Variants in CAAP1 observed in about 807,000 individuals in gnomAD.
The protein encoded by CAAP1 is caspase activity and apoptosis inhibitor 1.
CAAP1 carries 20 observed loss-of-function variants against 34.0 expected under a neutral mutation model. The observed-to-expected ratio is 0.59, with a 90% CI of 0.41 to 0.86. CAAP1 has a LOEUF of 0.86. Among genes scored for constraint, CAAP1 ranks in the 40% least tolerant of loss-of-function variants. The pLI, the probability that CAAP1 is intolerant of heterozygous loss-of-function variation, is 0.00. For missense variants in CAAP1, 538 were observed against 450.5 expected (o/e 1.19, Z -1.76); for synonymous variants, 213 against 166.7 (o/e 1.28, Z -2.14).
chr9:26,853,441 G>A (rs1309006258), intron 5 of CAAP1, among the ~76,000 whole-genome samples: 1 of 152,174 alleles, frequency 6.6e-6, no homozygotes, highest in African/African-American at 2.4e-5. Context: ...AGTGTTAGAA[G>A]TCTGAATTGT....
intron 5 of CAAP1, among the ~76,000 whole-genome samples, chr9:26,851,083 G>A (rs150278504): frequency 1.2e-3 from 189 of 152,240 alleles, no homozygotes; most frequent in African/African-American, 4.3e-3. Context: ...TGTCATGATG[G>A]TGCTGCAAAG....
chr9:26,857,282 A>G (rs1473312854), intron 5 of CAAP1, among the ~76,000 whole-genome samples: 1 of 152,244 alleles, frequency 6.6e-6, no homozygotes, highest in Non-Finnish European at 1.5e-5. Flanking sequence ...TAATGAGTAA[A>G]AACTATAACT....
At chr9:26,892,207 C>T (rs2131349456) in intron 1 of CAAP1, 1 of 1,370,694 alleles carries the variant, frequency 7.3e-7, no homozygotes, top group Non-Finnish European at 9.6e-7. Context: ...ATCAGGAAAT[C>T]CAGAAACTTG....
chr9:26,843,864 A>G (rs1195968186), intron 5 of CAAP1, among the ~76,000 whole-genome samples: 1 of 152,244 alleles, frequency 6.6e-6, no homozygotes, highest in African/African-American at 2.4e-5. Flanking sequence ...GTGGAAAATA[A>G]AACAAAAAAT....
chr9:26,863,611 T>C (rs1239757048), intron 4 of CAAP1, among the ~76,000 whole-genome samples: 1 of 152,056 alleles, frequency 6.6e-6, no homozygotes, highest in Non-Finnish European at 1.5e-5. Context: ...AGAATCAGGA[T>C]ATATATTTAA....
intron 4 of CAAP1, among the ~76,000 whole-genome samples, chr9:26,868,008 G>A (rs1321681059): frequency 6.6e-6 from 1 of 151,948 alleles, no homozygotes; most frequent in Non-Finnish European, 1.5e-5. Flanking sequence ...AAACAGAAAG[G>A]TTTTTATCTT....
chr9:26,877,884 T>C (rs183460973), intron 4 of CAAP1, among the ~76,000 whole-genome samples: 113 of 150,536 alleles, frequency 7.5e-4, no homozygotes, highest in African/African-American at 2.7e-3. Context: ...AAAAATTTCC[T>C]ATATTATTAA....
At chr9:26,873,910 A>C (rs1338827344) in intron 4 of CAAP1, among the ~76,000 whole-genome samples, 1 of 152,126 alleles carries the variant, frequency 6.6e-6, no homozygotes, top group African/African-American at 2.4e-5. Flanking sequence ...TCTTTAAAAA[A>C]TTTTACAGAT....
At position 26,885,845 on chromosome 9, in the gene CAAP1, A is replaced by T. The variant is rs375867756; in HGVS notation, c.589+259T>A. Among the ~76,000 whole-genome samples the T allele has an allele frequency of 9.2e-5, 14 of 152,308 alleles. No individual in the cohort carries two copies. The South Asian group carries it at 2.9e-3, about 32-fold the overall frequency. On this transcript the variant is annotated intron_variant, in intron 3 of 5. Transcript: ENST00000333916. ...ATTAATTTTTTTACAGATTTTTGGT[A>T]AACATTTTTTATTTCATTTTATTAG...
chr9:26,889,889 A>G (rs1201998059), intron 1 of CAAP1, among the ~76,000 whole-genome samples: 1 of 150,678 alleles, frequency 6.6e-6, no homozygotes, highest in African/African-American at 2.4e-5. Flanking sequence ...AAAAAAAAAA[A>G]GGAACCTCAA....
chr9:26,867,583 C>T (rs1823168971), intron 4 of CAAP1, among the ~76,000 whole-genome samples: 1 of 152,164 alleles, frequency 6.6e-6, no homozygotes, highest in African/African-American at 2.4e-5. Context: ...TGTATTTTCA[C>T]TAGAATCCAT....
intron 5 of CAAP1, among the ~76,000 whole-genome samples, chr9:26,847,097 T>C (rs951650117): frequency 6.6e-6 from 1 of 151,430 alleles, no homozygotes; most frequent in African/African-American, 2.4e-5. Flanking sequence ...CTTTTTTGAC[T>C]TAAAAATATA....
chr9:26,868,579 C>A (rs1323444233), intron 4 of CAAP1, among the ~76,000 whole-genome samples: 1 of 152,148 alleles, frequency 6.6e-6, no homozygotes, highest in Non-Finnish European at 1.5e-5. Context: ...TGCTTTAAAC[C>A]ACTAAGTTTG....
At chr9:26,891,589 A>G (rs1413285938) in intron 1 of CAAP1, among the ~76,000 whole-genome samples, 1 of 152,118 alleles carries the variant, frequency 6.6e-6, no homozygotes, top group East Asian at 1.9e-4. Context: ...AAAAACCTGC[A>G]CACCCAAATA....
At chr9:26,870,475 G>A (rs898025728) in intron 4 of CAAP1, among the ~76,000 whole-genome samples, 3 of 150,874 alleles carry the variant, frequency 2.0e-5, no homozygotes, top group Admixed American at 6.6e-5. Flanking sequence ...TAAGTTGTCT[G>A]AATCACAGGT....
intron 4 of CAAP1, among the ~76,000 whole-genome samples, chr9:26,883,135 T>C (rs1187763778): frequency 1.3e-5 from 2 of 152,140 alleles, no homozygotes; most frequent in African/African-American, 4.8e-5. Context: ...TGGGGGACTG[T>C]TGGAAAGGCA....
chr9:26,844,975 C>A lies in CAAP1; in HGVS notation c.740-2328G>T, dbSNP rs528464358. Among the ~76,000 whole-genome samples, 35 of 152,278 alleles carry A rather than the reference C, an allele frequency of 2.3e-4. No individual in the cohort carries two copies. The South Asian group carries it at 7.3e-3, about 32-fold the overall frequency. ...TTATCCAGATTATTTCTTTATTTTC[C>A]CTTTTCACTATCTACTTTCTTGCTT... On this transcript the variant is annotated intron_variant, in intron 5 of 5. Coordinates refer to ENST00000333916, the MANE Select transcript of CAAP1 (RefSeq NM_024828.4).
In CAAP1 at chr9:26,859,703, C is replaced by T. The variant is rs1201190340; in HGVS notation, c.739+1363G>A. Among the ~76,000 whole-genome samples the T allele has an allele frequency of 2.6e-5, 4 of 152,156 alleles. No homozygotes were observed. In the East Asian group the frequency reaches 7.7e-4, roughly 29 times the overall value. ...GTATTTATATGTGACAAATAAATGT[C>T]AATTAAACTATGAATCTGAGTTTAT... On this transcript the variant is annotated intron_variant, in intron 5 of 5. Coordinates refer to ENST00000333916, the MANE Select transcript of CAAP1 (RefSeq NM_024828.4).
chr9:26,880,098 G>C, intron 4 of CAAP1: 1 of 171,906 alleles, frequency 5.8e-6, no homozygotes, highest in East Asian at 1.9e-4. Flanking sequence ...AAAATCCGGG[G>C]GGGGGGGGTC....
Sources: allele counts gnomAD v4.1 joint callset (sites outside exome capture counted in the v4.1 genomes callset), GRCh38; gene constraint gnomAD v4.1.1; transcripts MANE v1.5; gene names NCBI Gene and HGNC (gene_info 2026-07-23, HGNC 2026-07-21).